KCNH8: variants seen among roughly 807,000 people sequenced by gnomAD.
The protein encoded by KCNH8 is voltage-gated delayed rectifier potassium channel KCNH8.
A neutral mutation model predicts 103.6 loss-of-function variants in KCNH8; 70 were observed. The ratio of observed to expected loss-of-function variants is 0.68; its 90% CI spans 0.56 to 0.82. The LOEUF is 0.82. Among genes scored for constraint, KCNH8 ranks in the 40% least tolerant of loss-of-function variants. The pLI is 0.00. For missense variants in KCNH8, 1,217 were observed against 1,329.9 expected, an observed-to-expected ratio of 0.92 and a Z score of 1.32; for synonymous variants, 498 against 489.4, an observed-to-expected ratio of 1.02 and a Z score of -0.23.
intron 7 of KCNH8, among the ~76,000 whole-genome samples, chr3:19,427,564 T>C (rs1221499569): frequency 6.6e-6 from 1 of 152,222 alleles, no homozygotes; most frequent in African/African-American, 2.4e-5. Context: ...GTATGACCTA[T>C]ATCAATATCT....
intron 2 of KCNH8, among the ~76,000 whole-genome samples, chr3:19,275,788 G>A (rs75062172): frequency 0.054 from 8,169 of 151,878 alleles, 740 homozygotes; most frequent in African/African-American, 0.19. Context: ...TCACATTCCC[G>A]TATTTTCTAG....
At chr3:19,405,403 GT>G (rs1394308783) in intron 7 of KCNH8, among the ~76,000 whole-genome samples, 2 of 151,584 alleles carry the variant, frequency 1.3e-5, no homozygotes, top group East Asian at 3.9e-4. Flanking sequence ...TATTTTCTGA[GT>G]TTTTTAGAAA....
intron 11 of KCNH8, among the ~76,000 whole-genome samples, chr3:19,472,345 C>T (rs1575107958): frequency 6.6e-6 from 1 of 152,018 alleles, no homozygotes; most frequent in Non-Finnish European, 1.5e-5. Context: ...CTCTGTGTCT[C>T]CACCCAAATC....
intron 1 of KCNH8, among the ~76,000 whole-genome samples, chr3:19,223,803 A>G (rs560065657): frequency 7.2e-5 from 11 of 152,136 alleles, no homozygotes; most frequent in Admixed American, 2.0e-4. Flanking sequence ...ATTTTCTTCT[A>G]TTTTGGGGGG....
intron 11 of KCNH8, among the ~76,000 whole-genome samples, chr3:19,503,009 A>C (rs533320872): frequency 0.014 from 2,140 of 152,032 alleles, 28 homozygotes; most frequent in African/African-American, 0.049. Flanking sequence ...AATGGGAGAA[A>C]ATTTTCGCAA....
At chr3:19,226,027 A>C (rs1226407450) in intron 1 of KCNH8, among the ~76,000 whole-genome samples, 1 of 152,242 alleles carries the variant, frequency 6.6e-6, no homozygotes, top group Non-Finnish European at 1.5e-5. Context: ...ATTTTGAAGT[A>C]ATTCTTTTGA....
chr3:19,467,326 CAT>C (rs1491059221), intron 11 of KCNH8, among the ~76,000 whole-genome samples: 21 of 151,658 alleles, frequency 1.4e-4, no homozygotes, highest in South Asian at 4.2e-4. Flanking sequence ...CACACACACA[CAT>C]GTGCACACAC....
At chr3:19,325,328 G>A (rs1357689941) in intron 3 of KCNH8, among the ~76,000 whole-genome samples, 8 of 151,594 alleles carry the variant, frequency 5.3e-5, no homozygotes, top group African/African-American at 7.3e-5. Flanking sequence ...AGAAATTGCA[G>A]CAATGACAAA....
chr3:19,496,353 T>C (rs1203412673), intron 11 of KCNH8, among the ~76,000 whole-genome samples: 1 of 151,992 alleles, frequency 6.6e-6, no homozygotes, highest in African/African-American at 2.4e-5. Context: ...CTCTTATTAT[T>C]TTAAAGTATA....
intron 11 of KCNH8, among the ~76,000 whole-genome samples, chr3:19,464,641 A>G (rs2125195386): frequency 6.6e-6 from 1 of 152,264 alleles, no homozygotes; most frequent in Non-Finnish European, 1.5e-5. Context: ...AAAAAGAAAG[A>G]ATATCCCGAA....
At chr3:19,292,805 C>T (rs2064946808) in intron 3 of KCNH8, among the ~76,000 whole-genome samples, 1 of 152,144 alleles carries the variant, frequency 6.6e-6, no homozygotes, top group Admixed American at 6.5e-5. Flanking sequence ...GAGTGAAGGA[C>T]AAAAGCCAAG....
At chr3:19,494,883 T>C (rs951312814) in intron 11 of KCNH8, among the ~76,000 whole-genome samples, 7 of 152,178 alleles carry the variant, frequency 4.6e-5, no homozygotes, top group African/African-American at 1.7e-4. Context: ...CTTTTAATAA[T>C]GGCCATTCTG....
At chr3:19,526,830 T>G (rs1262696013) in intron 15 of KCNH8, among the ~76,000 whole-genome samples, 1 of 152,082 alleles carries the variant, frequency 6.6e-6, no homozygotes, top group East Asian at 1.9e-4. Flanking sequence ...TAAGTTCAAT[T>G]GAAAATAACA....
chr3:19,252,093 T>C (rs995445457), intron 1 of KCNH8, among the ~76,000 whole-genome samples: 3 of 152,210 alleles, frequency 2.0e-5, no homozygotes, highest in African/African-American at 7.2e-5. Context: ...TAGTAGTATC[T>C]AATTCATTCA....
intron 3 of KCNH8, among the ~76,000 whole-genome samples, chr3:19,333,634 G>C (rs563678049): frequency 6.6e-6 from 1 of 152,052 alleles, no homozygotes; most frequent in Middle Eastern, 3.2e-3. Flanking sequence ...AATTCAATAC[G>C]TGGAAAATGA....
chr3:19,265,871 C>T (rs1249048067), intron 2 of KCNH8, among the ~76,000 whole-genome samples: 4 of 152,048 alleles, frequency 2.6e-5, no homozygotes, highest in African/African-American at 9.7e-5. Flanking sequence ...TGAGCCTTTA[C>T]TCTATGTCAT....
chr3:19,501,749 T>C (rs2068587894), intron 11 of KCNH8, among the ~76,000 whole-genome samples: 1 of 152,144 alleles, frequency 6.6e-6, no homozygotes, highest in Non-Finnish European at 1.5e-5. Context: ...AAACTCTCAA[T>C]AAATTAGGTA....
chr3:19,260,085 C>T (rs1314618028), intron 2 of KCNH8, among the ~76,000 whole-genome samples: 8 of 151,250 alleles, frequency 5.3e-5, no homozygotes, highest in Non-Finnish European at 1.2e-4. Flanking sequence ...AATGGGGAAA[C>T]GTGGTGATCT....
intron 11 of KCNH8, among the ~76,000 whole-genome samples, chr3:19,491,901 G>C (rs1011279702): frequency 1.3e-5 from 2 of 152,016 alleles, no homozygotes; most frequent in African/African-American, 2.4e-5. Context: ...TTGTGATTTT[G>C]ATTTGCATTT....
Sources: gnomAD v4.1 joint callset for allele counts (sites outside exome capture counted in the v4.1 genomes callset) on GRCh38, gnomAD v4.1.1 for gene constraint, MANE v1.5 for transcripts, NCBI Gene and HGNC (gene_info 2026-07-23, HGNC 2026-07-21) for gene names.